The following RAB36 variants were observed in gnomAD, a reference collection of about 807,000 sequenced individuals.
RAB36 encodes the protein RAB36, member RAS oncogene family.
In RAB36, 33 loss-of-function variants were observed where a neutral mutation model predicts 39.3. That is an observed-to-expected ratio of 0.84 (90% CI 0.64 to 1.12). RAB36 has a LOEUF of 1.12. Ranked by LOEUF, RAB36 falls within the 50% of genes most tolerant of loss-of-function variation. The pLI is 0.00. For missense variants in RAB36, 308 were observed against 355.3 expected, an observed-to-expected ratio of 0.87 and a Z score of 1.07; for synonymous variants, 133 against 140.2, an observed-to-expected ratio of 0.95 and a Z score of 0.36.
intron 5 of RAB36, among the ~76,000 whole-genome samples, chr22:23,153,922 C>T (rs2071309786): frequency 6.6e-6 from 1 of 152,132 alleles, no homozygotes; most frequent in South Asian, 2.1e-4. Flanking sequence ...CTCCTGACCT[C>T]AAGTGCTCCA....
rs1280464958 is a variant in RAB36 at position 23,145,832 on chromosome 22, A to T, written c.-13+281A>T. ...GGAGAGGAGTCCGGACAGAAAAAGG[A>T]GACAGAGGGGCTGTTGAGGAGGCTC... is the stretch of plus-strand genomic sequence containing the variant. On this transcript the variant is annotated intron_variant, in intron 1 of 10. Transcript: ENST00000263116. 1.1e-5 allele frequency: 4 copies of T among 371,394 alleles called. No individual in the cohort carries two copies. The Admixed American group carries it at 2.6e-4, about 24-fold the overall frequency. The allele number at this position is 371,394 out of a possible 1,614,324, so 23.0% of individuals were successfully genotyped here.
chr22:23,160,762 G>A (rs1181162994), intron 9 of RAB36, 117 bp from the exon 10 acceptor site: 3 of 1,389,982 alleles, frequency 2.2e-6, no homozygotes, highest in Non-Finnish European at 3.0e-6. Flanking sequence ...CTGTCAGGGT[G>A]CTCTAGAAAG....
At chr22:23,167,719 T>A (rs1270584581), downstream of RAB36, among the ~76,000 whole-genome samples, 1 of 151,834 alleles carries the variant, frequency 6.6e-6, no homozygotes, top group African/African-American at 2.4e-5. Context: ...TTATTTTTTT[T>A]TTTAAGGCAA....
rs955063463 is a variant in RAB36, at chr22:23,162,407, C to T, written c.*843C>T. Reference sequence around the variant, plus strand: ...CCCTTGAACATGGCACTGCCCTCCTCTGGCACTCATGCTGGGCCTGTGCCC... The same window carrying T: ...CCCTTGAACATGGCACTGCCCTCCTTTGGCACTCATGCTGGGCCTGTGCCC... On this transcript the variant is annotated 3_prime_UTR_variant, in exon 11 of 11. Coordinates refer to ENST00000263116, the MANE Select transcript of RAB36 (RefSeq NM_004914.5). 2 of 351,384 alleles carry T rather than the reference C, an allele frequency of 5.7e-6. No individual in the cohort carries two copies. Among genetic ancestry groups the T allele is most frequent in the African/African-American group, 4.3e-5 (2 of 46,688 alleles). The allele number at this position is 351,384 out of a possible 1,614,324, so 21.8% of individuals were successfully genotyped here. A position where few individuals can be genotyped will look rare whatever the true frequency, so the allele number is the denominator to read the frequency against.
intron 8 of RAB36, 34 bp from the exon 9 acceptor site, chr22:23,159,129 G>A (rs755436932): frequency 1.4e-5 from 23 of 1,605,830 alleles, no homozygotes; most frequent in South Asian, 2.2e-5. Context: ...CAGGAGAGCC[G>A]GGACGCTGGG....
intron 6 of RAB36, among the ~76,000 whole-genome samples, chr22:23,156,803 C>T (rs76520835): frequency 0.031 from 4,693 of 152,302 alleles, 250 homozygotes; most frequent in African/African-American, 0.11. Flanking sequence ...CTGCACCCTT[C>T]GCCTCTTCGG....
At chr22:23,155,749 T>G (rs1362050749) in intron 5 of RAB36, among the ~76,000 whole-genome samples, 1 of 152,194 alleles carries the variant, frequency 6.6e-6, no homozygotes. Context: ...CACACCCCCA[T>G]CCACTAGGAA....
In RAB36 at chr22:23,162,575, G is replaced by C. The variant is rs1376105600; in HGVS notation, c.*1011G>C. 3 of 450,960 alleles carry C rather than the reference G, an allele frequency of 6.7e-6. No individual in the cohort carries two copies. Among genetic ancestry groups the C allele is most frequent in the South Asian group, 3.1e-5 (2 of 64,250 alleles). The allele number at this position is 450,960 out of a possible 1,614,324, so 27.9% of individuals were successfully genotyped here. ...TCCAACACCGCCTCCTGCACATGCA[G>C]AGCAGACAGAAATACCCCACACATT... On this transcript the variant is annotated 3_prime_UTR_variant, in exon 11 of 11. Coordinates refer to ENST00000263116, the MANE Select transcript of RAB36 (RefSeq NM_004914.5).
intron 1 of RAB36, chr22:23,145,863 G>A (rs2070740861): frequency 3.5e-6 from 2 of 564,422 alleles, no homozygotes; most frequent in Admixed American, 6.4e-5. Context: ...GGCTCGAGGA[G>A]TCAGAGGCCT....
chr22:23,145,595 A>G, intron 1 of RAB36, 44 bp downstream of exon 1: 3 of 1,565,314 alleles, frequency 1.9e-6, no homozygotes, highest in Non-Finnish European at 2.6e-6. Flanking sequence ...CGGTCACCCA[A>G]CCCCGTGCTG....
At position 23,165,423 on chromosome 22, in the gene RAB36, G is replaced by T. The variant is rs1042071022; in HGVS notation, c.*3859G>T. ...TCACAGGGCATCAGCCAGTGAAGGC[G>T]GTTTGGGGCTGGAGGATATGTTCTG... On this transcript the variant is annotated 3_prime_UTR_variant, in exon 11 of 11. Transcript: ENST00000263116. Among the ~76,000 whole-genome samples, 4 of 152,190 alleles carry T rather than the reference G, an allele frequency of 2.6e-5. No homozygotes were observed. Among genetic ancestry groups the T allele is most frequent in the Admixed American group, 2.6e-4 (4 of 15,272 alleles).
chr22:23,163,606 G>GCCCCCCCCCCCCCCCCCCCCCCCCCCC lies in RAB36; in HGVS notation c.*2052_*2053insCCCCCCCCCCCCCCCCCCCCCCCCCCC, dbSNP rs71744650. On this transcript the variant is annotated 3_prime_UTR_variant, in exon 11 of 11. Coordinates refer to ENST00000263116, the MANE Select transcript of RAB36 (RefSeq NM_004914.5). ...AAAGCATATAAAATACAAGGTGAAAGCCCCCCCCCCGCCACATTAGCTGCG... is the reference window on the plus strand; with the variant it reads ...AAAGCATATAAAATACAAGGTGAAAGCCCCCCCCCCCCCCCCCCCCCCCCCCCCCCCCCCCCCGCCACATTAGCTGCG... 3.2e-5 allele frequency: 4 copies of GCCCCCCCCCCCCCCCCCCCCCCCCCCC among 125,224 alleles called. 1 individual carries two copies. Among genetic ancestry groups the GCCCCCCCCCCCCCCCCCCCCCCCCCCC allele is most frequent in the Non-Finnish European group, 5.4e-5 (3 of 55,740 alleles). 7.8% of individuals were successfully genotyped at this position (125,224 alleles called of 1,614,324 possible).
chr22:23,146,734 C>T, intron 2 of RAB36, 49 bp downstream of exon 2: 2 of 1,602,352 alleles, frequency 1.2e-6, no homozygotes, highest in Middle Eastern at 1.7e-4. Context: ...GCAGCCACAT[C>T]AGCTCTCCCC....
intron 6 of RAB36, among the ~76,000 whole-genome samples, chr22:23,157,423 TTG>T (rs1215180105): frequency 1.3e-5 from 2 of 151,916 alleles, no homozygotes; most frequent in African/African-American, 4.8e-5. Context: ...GCTAATTTTT[TTG>T]TGTGTGTGTA....
At chr22:23,166,957 T>C (rs1012262344), downstream of RAB36, among the ~76,000 whole-genome samples, 1 of 152,068 alleles carries the variant, frequency 6.6e-6, no homozygotes, top group Admixed American at 6.5e-5. Flanking sequence ...AGTGAGGTGC[T>C]CTGGAAGCTC....
At position 23,150,128 on chromosome 22, in the gene RAB36, C is replaced by A; in HGVS notation, c.135C>A (p.Cys45Ter). The A allele has an allele frequency of 5.0e-6, 8 of 1,612,318 alleles. No homozygotes were observed. The highest frequency in any genetic ancestry group is 6.8e-6 in the Non-Finnish European group (8 of 1,179,312). The change falls in exon 3 of 11, where the codon TGC (cysteine) becomes TGA (stop). Residue 45 changes from cysteine to a stop codon, truncating the protein, a stop_gained. Coordinates refer to ENST00000263116, the MANE Select transcript of RAB36 (RefSeq NM_004914.5). LOFTEE classifies it high-confidence loss of function. Reference protein sequence around the residue: ...EHFHGQVSAACQRRNTGTVGL... With the variant: ...EHFHGQVSAA ...TCCACGGGCAGGTCAGCGCTGCCTG[C>A]CAACGCAGGAACACGGGGACTGTCG...
chr22:23,150,269 A>C, intron 3 of RAB36, 115 bp downstream of exon 3: 3 of 771,676 alleles, frequency 3.9e-6, no homozygotes, highest in Non-Finnish European at 6.3e-6. Context: ...AGCCCTGTAC[A>C]GGCCTGAAGA....
intron 6 of RAB36, among the ~76,000 whole-genome samples, chr22:23,157,734 C>T (rs2071537099): frequency 1.3e-5 from 2 of 152,218 alleles, no homozygotes; most frequent in Non-Finnish European, 2.9e-5. Context: ...AAAGCCCATG[C>T]GCTCGCTCCA....
At chr22:23,152,004 C>T (rs983133172) in intron 3 of RAB36, among the ~76,000 whole-genome samples, 1 of 152,210 alleles carries the variant, frequency 6.6e-6, no homozygotes, top group Non-Finnish European at 1.5e-5. Context: ...CGGCGCACAG[C>T]CCCGGGGGTG....
Sources: allele counts gnomAD v4.1 joint callset (sites outside exome capture counted in the v4.1 genomes callset), GRCh38; gene constraint gnomAD v4.1.1; transcripts MANE v1.5; gene names NCBI Gene and HGNC (gene_info 2026-07-23, HGNC 2026-07-21).